Variants in AHCY observed in about 807,000 individuals in gnomAD.
AHCY encodes adenosylhomocysteinase.
In AHCY, 24 loss-of-function variants were observed where a neutral mutation model predicts 45.4. The ratio of observed to expected loss-of-function variants is 0.53; its 90% CI spans 0.38 to 0.74. The LOEUF (loss-of-function observed/expected upper bound fraction) is 0.74, where lower values mean the gene tolerates loss of function less well. Ranked by LOEUF, AHCY falls within the 30% of genes least tolerant of loss-of-function variation. AHCY has a pLI of 0.00. For missense variants in AHCY, 449 were observed against 594.1 expected, an observed-to-expected ratio of 0.76 and a Z score of 2.54; for synonymous variants, 245 against 235.1, an observed-to-expected ratio of 1.04 and a Z score of -0.39.
chr20:34,287,836 TAC>T (rs1239722951), intron 8 of AHCY, among the ~76,000 whole-genome samples: 1 of 151,906 alleles, frequency 6.6e-6, no homozygotes, highest in East Asian at 1.9e-4. Flanking sequence ...ATGGCCTGAG[TAC>T]AGAGGCCCTT....
At chr20:34,238,415 G>A in the AHCY span, among the ~76,000 whole-genome samples, 1 of 151,990 alleles carries the variant, frequency 6.6e-6, no homozygotes, top group Non-Finnish European at 1.5e-5. Context: ...TCTCTCTTCT[G>A]TCTAATCAAA....
intron 2 of AHCY, 112 bp downstream of exon 2, chr20:34,295,283 G>A: frequency 3.8e-6 from 5 of 1,319,078 alleles, no homozygotes; most frequent in Non-Finnish European, 5.3e-6. Flanking sequence ...ACCCCTCCAG[G>A]CCCGCGGTCA....
intron 1 of AHCY, among the ~76,000 whole-genome samples, chr20:34,298,396 G>C (rs2036642386): frequency 6.6e-6 from 1 of 152,016 alleles, no homozygotes; most frequent in African/African-American, 2.4e-5. Flanking sequence ...TACAGAGATA[G>C]GAGCTGAGGG....
upstream of AHCY, among the ~76,000 whole-genome samples, chr20:34,303,850 G>C (rs1234655890): frequency 6.6e-6 from 1 of 152,146 alleles, no homozygotes; most frequent in Non-Finnish European, 1.5e-5. Context: ...TTAAAAATTA[G>C]CCGGGCGTGG....
At chr20:34,252,742 C>CCATA in the AHCY span, among the ~76,000 whole-genome samples, 30 of 152,264 alleles carry the variant, frequency 2.0e-4, no homozygotes, top group Non-Finnish European at 3.4e-4. Flanking sequence ...TCCCACGAGG[C>CCATA]CATATCTCAG....
the AHCY span, among the ~76,000 whole-genome samples, chr20:34,258,696 C>CACACA: frequency 8.6e-5 from 1 of 11,652 alleles, no homozygotes; most frequent in Non-Finnish European, 2.3e-4. Flanking sequence ...TATATACATA[C>CACACA]TATATATATA....
rs759056638 is a variant in AHCY at position 34,280,853 on chromosome 20, G to A, written c.*181C>T. Reference sequence around the variant, plus strand: ...GGCTTGAAGAGGGTACTCTGTTCCCGCTGCCACATTTGGAACAGTATGACG... The same window carrying A: ...GGCTTGAAGAGGGTACTCTGTTCCCACTGCCACATTTGGAACAGTATGACG... On this transcript the variant is annotated 3_prime_UTR_variant, in exon 10 of 10. Transcript: ENST00000217426. The A allele has an allele frequency of 1.4e-4, 129 of 907,116 alleles. No homozygotes were observed. The Middle Eastern group carries it at 4.2e-3, about 30-fold the overall frequency. The allele number at this position is 907,116 out of a possible 1,614,324, so 56.2% of individuals were successfully genotyped here. A position where few individuals can be genotyped will look rare whatever the true frequency, so the allele number is the denominator to read the frequency against.
At chr20:34,276,437 G>A (rs1261590578), downstream of AHCY, among the ~76,000 whole-genome samples, 1 of 152,100 alleles carries the variant, frequency 6.6e-6, no homozygotes, top group Non-Finnish European at 1.5e-5. Context: ...CAGTGTGGGT[G>A]GATACTCTAG....
intron 1 of AHCY, chr20:34,302,730 CA>C: frequency 6.1e-6 from 6 of 989,120 alleles, no homozygotes; most frequent in Non-Finnish European, 4.8e-6. Flanking sequence ...GTAACTGGCC[CA>C]AAGTCCCAGG....
chr20:34,302,672 T>A, intron 1 of AHCY: 1 of 986,426 alleles, frequency 1.0e-6, no homozygotes, highest in African/African-American at 1.7e-5. Context: ...TCTTCGAGAT[T>A]TCTGCAAGGC....
At chr20:34,306,079 CAA>C (rs56039506), upstream of AHCY, among the ~76,000 whole-genome samples, 76,056 of 102,328 alleles carry the variant, frequency 0.74, 27,115 homozygotes, top group Admixed American at 0.83. Flanking sequence ...AAGACTGCCT[CAA>C]AAAAAAAAAA....
At position 34,301,795 on chromosome 20, in the gene AHCY, C is replaced by T. The variant is rs114745639; in HGVS notation, c.28+1448G>A. On this transcript the variant is annotated intron_variant, in intron 1 of 9. Transcript: ENST00000217426. ...AGTTTCAGCATCCACACAATGGAGA[C>T]AGTCTACTCTGGTAGCAACTTGATG... The T allele has an allele frequency of 2.5e-3, 2,453 of 985,214 alleles. 51 individuals carry two copies. In the African/African-American group the frequency reaches 0.041, roughly 16 times the overall value. The allele number at this position is 985,214 out of a possible 1,614,324, so 61.0% of individuals were successfully genotyped here. A position where few individuals can be genotyped will look rare whatever the true frequency, so the allele number is the denominator to read the frequency against.
the AHCY span, among the ~76,000 whole-genome samples, chr20:34,269,813 G>C: frequency 2.7e-5 from 4 of 149,996 alleles, no homozygotes; most frequent in African/African-American, 9.8e-5. Context: ...GTGTGGTGGC[G>C]CATGCGGTAA....
In AHCY at chr20:34,285,423, T is replaced by C. The variant is rs773090760; in HGVS notation, c.1167+17A>G. On this transcript the variant is annotated intron_variant, in intron 9 of 9. Transcript: ENST00000217426. ...TAGACACGTGACCCTTGGCTTGAGG[T>C]AGAAGAATAAACCCACCTTCTTGGG... 3.7e-6 allele frequency: 6 copies of C among 1,613,510 alleles called. No individual in the cohort carries two copies. In the South Asian group the frequency reaches 5.5e-5, roughly 15 times the overall value.
chr20:34,303,643 C>T (rs753813170), upstream of AHCY, among the ~76,000 whole-genome samples: 3 of 152,224 alleles, frequency 2.0e-5, no homozygotes, highest in Admixed American at 2.0e-4. Flanking sequence ...TTCCCTGTGC[C>T]TCAATTTCCT....
chr20:34,252,672 C>T, the AHCY span, among the ~76,000 whole-genome samples: 204 of 152,264 alleles, frequency 1.3e-3, 1 homozygote, highest in African/African-American at 4.7e-3. Context: ...TCTTTCACTA[C>T]TCCCCCTCAG....
At chr20:34,258,349 T>C in the AHCY span, among the ~76,000 whole-genome samples, 1 of 150,662 alleles carries the variant, frequency 6.6e-6, no homozygotes, top group Non-Finnish European at 1.5e-5. Context: ...GGATATTCTT[T>C]TTTTTTTTTT....
At chr20:34,262,569 T>C in the AHCY span, among the ~76,000 whole-genome samples, 43,259 of 151,980 alleles carry the variant, frequency 0.28, 11,036 homozygotes, top group African/African-American at 0.69. Context: ...CCCACAAGAG[T>C]GTCACAGGCA....
At chr20:34,257,061 T>C in the AHCY span, among the ~76,000 whole-genome samples, 2 of 114,084 alleles carry the variant, frequency 1.8e-5, no homozygotes, top group Non-Finnish European at 3.4e-5. Flanking sequence ...TCTCTCTCTC[T>C]TTCTTTCTCT....
Sources: allele counts gnomAD v4.1 joint callset (sites outside exome capture counted in the v4.1 genomes callset), GRCh38; gene constraint gnomAD v4.1.1; transcripts MANE v1.5; gene names NCBI Gene and HGNC (gene_info 2026-07-23, HGNC 2026-07-21).